Variants in TSC22D2 observed in about 807,000 individuals in gnomAD.
TSC22D2 encodes the protein TSC22 domain family protein 2.
TSC22D2 carries 5 observed loss-of-function variants against 50.1 expected under a neutral mutation model. The ratio of observed to expected loss-of-function variants is 0.10; its 90% confidence interval spans 0.05 to 0.21. The LOEUF is 0.21. TSC22D2 is among the 10% of genes least tolerant of loss of function. The pLI is 1.00. For missense variants in TSC22D2, 1,003 were observed against 1,015.5 expected, an observed-to-expected ratio of 0.99 and a Z score of 0.17; for synonymous variants, 501 against 450.1, an observed-to-expected ratio of 1.11 and a Z score of -1.43.
intron 1 of TSC22D2, among the ~76,000 whole-genome samples, chr3:150,449,695 C>T (rs1314338034): frequency 6.6e-6 from 1 of 151,846 alleles, no homozygotes; most frequent in Non-Finnish European, 1.5e-5. Context: ...ACATTATTTG[C>T]TATGTATATA....
chr3:150,421,241 C>T (rs1046570368), intron 1 of TSC22D2, among the ~76,000 whole-genome samples: 2 of 152,134 alleles, frequency 1.3e-5, no homozygotes, highest in African/African-American at 4.8e-5. Flanking sequence ...CTTTGAGTCA[C>T]TCCATTTAAA....
rs1448501793 is a variant in TSC22D2, at chr3:150,409,276, G to C, written c.-75G>C. On this transcript the variant is annotated 5_prime_UTR_variant, in exon 1 of 3. Transcript: ENST00000688009. The surrounding 1 kb of genome is among the most constrained non-coding windows in gnomAD (Gnocchi z 7.4). ...ACTCGGACTTTGTCTTTGGGGGCCCGTGCTCTGCCCTCCCCGGTTTCCGAC... is the reference window on the plus strand; with the variant it reads ...ACTCGGACTTTGTCTTTGGGGGCCCCTGCTCTGCCCTCCCCGGTTTCCGAC... 3 of 1,486,406 alleles carry C rather than the reference G, an allele frequency of 2.0e-6. No individual in the cohort carries two copies. Among genetic ancestry groups the C allele is most frequent in the East Asian group, 4.6e-5 (2 of 43,426 alleles). 92.1% of individuals were successfully genotyped at this position (1,486,406 alleles called of 1,614,324 possible).
intron 1 of TSC22D2, among the ~76,000 whole-genome samples, chr3:150,452,369 C>A (rs925122229): frequency 2.0e-5 from 3 of 151,740 alleles, no homozygotes; most frequent in Non-Finnish European, 4.4e-5. Flanking sequence ...CGCTTGAACC[C>A]GGGAGGAAGA....
At chr3:150,422,330 G>GGA (rs1720037344) in intron 1 of TSC22D2, among the ~76,000 whole-genome samples, 1 of 152,132 alleles carries the variant, frequency 6.6e-6, no homozygotes, top group South Asian at 2.1e-4. Context: ...ATACTTACTG[G>GGA]GAGATAGTCC....
At chr3:150,412,576 C>T (rs1443857058) in intron 1 of TSC22D2, among the ~76,000 whole-genome samples, 1 of 152,150 alleles carries the variant, frequency 6.6e-6, no homozygotes, top group Non-Finnish European at 1.5e-5. Context: ...TTCATCTTCT[C>T]TGCTTTTTGT....
chr3:150,427,780 T>C (rs1292483353), intron 1 of TSC22D2, among the ~76,000 whole-genome samples: 1 of 152,030 alleles, frequency 6.6e-6, no homozygotes, highest in Non-Finnish European at 1.5e-5. Context: ...CCTCCCTCTT[T>C]CCTTACTTCA....
rs550588073 is a variant in TSC22D2 at position 150,458,827 on chromosome 3, G to A, written c.*191G>A. On this transcript the variant is annotated 3_prime_UTR_variant, in exon 3 of 3. Transcript: ENST00000688009. ...TGTCATGCAGCGCTGTTGATGTCCA[G>A]TTCTATGTCATCAGTACACAAGGAG... The A allele has an allele frequency of 1.8e-4, 118 of 664,870 alleles. No individual in the cohort carries two copies. The highest frequency in any genetic ancestry group is 2.6e-4 in the Non-Finnish European group (104 of 395,640). The allele number at this position is 664,870 out of a possible 1,614,324, so 41.2% of individuals were successfully genotyped here.
Position 150,457,065 on chromosome 3 carries a change from AT to A in TSC22D2, c.1959-5del. The A allele has an allele frequency of 2.5e-6, 4 of 1,611,218 alleles. No individual in the cohort carries two copies. The highest frequency in any genetic ancestry group is 1.8e-4 in the Middle Eastern group (1 of 5,654). ...TTTTTTAGAATAATAACATATTCTAATTTTTTCCAGTGCATCTGGGGGAGGT... is the reference window on the plus strand; with the variant it reads ...TTTTTTAGAATAATAACATATTCTAATTTTTCCAGTGCATCTGGGGGAGGT... On this transcript the variant is annotated splice_polypyrimidine_tract_variant and intron_variant, in intron 1 of 2. Transcript: ENST00000688009.
At chr3:150,428,693 G>A (rs1720279673) in intron 1 of TSC22D2, among the ~76,000 whole-genome samples, 1 of 151,912 alleles carries the variant, frequency 6.6e-6, no homozygotes, top group African/African-American at 2.4e-5. Flanking sequence ...TGTGATTTTA[G>A]GTGATGTTGA....
At position 150,465,524 on chromosome 3, in the gene TSC22D2, C is replaced by A. The variant is rs1226702967; in HGVS notation, c.*6888C>A. On this transcript the variant is annotated 3_prime_UTR_variant, in exon 3 of 3. Coordinates refer to ENST00000688009, the MANE Select transcript of TSC22D2 (RefSeq NM_001303264.2). ...CCATTAAATTTTAAAAGTCACATAC[C>A]CTGTGACCTAACAATTCCAACTTTT... 6.6e-6 allele frequency: 1 copy of A among 152,096 alleles called. No individual in the cohort carries two copies. The highest frequency in any genetic ancestry group is 1.9e-4 in the East Asian group (1 of 5,194). 9.4% of individuals were successfully genotyped at this position (152,096 alleles called of 1,614,324 possible).
intron 1 of TSC22D2, among the ~76,000 whole-genome samples, chr3:150,428,696 G>A (rs1169741466): frequency 1.3e-5 from 2 of 152,012 alleles, no homozygotes; most frequent in South Asian, 2.1e-4. Context: ...GATTTTAGGT[G>A]ATGTTGAAAT....
chr3:150,419,359 A>G (rs949993235), intron 1 of TSC22D2, among the ~76,000 whole-genome samples: 1 of 152,108 alleles, frequency 6.6e-6, no homozygotes, highest in Non-Finnish European at 1.5e-5. Flanking sequence ...AGGAAGAAGG[A>G]AGAACTACCA....
Position 150,410,647 on chromosome 3 carries a change from C to A in TSC22D2, c.1297C>A (p.Pro433Thr). 2 of 1,553,288 alleles carry A rather than the reference C, an allele frequency of 1.3e-6. No individual in the cohort carries two copies. The highest frequency in any genetic ancestry group is 3.8e-5 in the Admixed American group (2 of 52,000). Residue 433 changes from proline (P) to threonine (T), a missense_variant, in exon 1 of 3, where the codon CCC becomes ACC. Physicochemically the swap from Pro to Thr is conservative, Grantham distance 38. Transcript: ENST00000688009. ...GAQLMGASSQ[P>T]SEAMAPRTGP... ...GCAGCTCATGGGCGCGTCTTCCCAG[C>A]CCAGCGAAGCCATGGCCCCCCGGAC...
At chr3:150,416,706 A>G (rs1040383467) in intron 1 of TSC22D2, among the ~76,000 whole-genome samples, 9 of 152,286 alleles carry the variant, frequency 5.9e-5, no homozygotes, top group East Asian at 3.9e-4. Flanking sequence ...AGTTTGCACC[A>G]TTCCTATACA....
rs773472911 is a variant in TSC22D2, at chr3:150,410,729, C to A, written c.1379C>A (p.Ala460Asp). 27 of 1,597,008 alleles carry A rather than the reference C, an allele frequency of 1.7e-5. No individual in the cohort carries two copies. Among genetic ancestry groups the A allele is most frequent in the Non-Finnish European group, 4.3e-6 (5 of 1,172,516 alleles). The stretch of plus-strand genomic sequence containing the variant: ...TGTCAGCCGACTGGAGTGCCCCCGG[C>A]TACTGTGGGAGGCGTGGTGCAGCCG... ...APCQPTGVPP[A>D]TVGGVVQPCL... Residue 460 changes from alanine (A) to aspartate (D), a missense_variant, in exon 1 of 3, where the codon GCT becomes GAT. Physicochemically the swap from Ala to Asp is moderately radical, Grantham distance 126 (BLOSUM62 -2). Coordinates refer to ENST00000688009, the MANE Select transcript of TSC22D2 (RefSeq NM_001303264.2).
At chr3:150,411,912 A>AT (rs1194831618) in intron 1 of TSC22D2, among the ~76,000 whole-genome samples, 3 of 152,250 alleles carry the variant, frequency 2.0e-5, no homozygotes, top group Non-Finnish European at 4.4e-5. Context: ...CTAAGATACT[A>AT]TTTTTTTGTT....
chr3:150,425,129 C>A (rs544073276), intron 1 of TSC22D2, among the ~76,000 whole-genome samples: 1 of 152,112 alleles, frequency 6.6e-6, no homozygotes, highest in Non-Finnish European at 1.5e-5. Flanking sequence ...TGGAAATCAC[C>A]AAATCACATT....
Position 150,410,695 on chromosome 3 carries a change from G to A in TSC22D2, c.1345G>A (p.Val449Ile), listed in dbSNP as rs1217575446. ...GACGGGACCAGCGCAAGGCGGGCAG[G>A]TCGCGCCTTGTCAGCCGACTGGAGT... is the stretch of plus-strand genomic sequence containing the variant. ...PRTGPAQGGQ[V>I]APCQPTGVPP... Residue 449 changes from valine to isoleucine, a missense_variant, in exon 1 of 3, where the codon GTC becomes ATC. Around this residue, in one of 6 missense-constraint regions of TSC22D2, gnomAD observed 696 missense variants for 647.8 expected, o/e 1.07. Transcript: ENST00000688009. The A allele has an allele frequency of 6.4e-7, 1 of 1,569,220 alleles. No homozygotes were observed. The highest frequency in any genetic ancestry group is 8.6e-7 in the Non-Finnish European group (1 of 1,158,914).
intron 1 of TSC22D2, chr3:150,422,920 T>A: frequency 1.6e-6 from 1 of 607,624 alleles, no homozygotes; most frequent in Non-Finnish European, 2.7e-6. Context: ...ACTTATGTGG[T>A]TTTAAAATCT....
Sources: gnomAD v4.1 joint callset for allele counts (sites outside exome capture counted in the v4.1 genomes callset) on GRCh38, gnomAD v4.1.1 for gene constraint, gnomAD v4.1.1 regional missense constraint, Gnocchi (gnomAD v3.1) non-coding constraint, MANE v1.5 for transcripts, NCBI Gene and HGNC (gene_info 2026-07-23, HGNC 2026-07-21) for gene names.